The following FGFR1OP2 variants were observed in gnomAD, a reference collection of about 807,000 sequenced individuals.
FGFR1OP2 encodes the protein FGFR1 oncogene partner 2, also known as fibroblast growth factor receptor 1 oncogene partner 2.
A neutral mutation model predicts 35.2 loss-of-function variants in FGFR1OP2; 17 were observed. The observed-to-expected ratio is 0.48, with a 90% CI of 0.33 to 0.73. The LOEUF is 0.73. FGFR1OP2 is among the 30% of genes least tolerant of loss of function. FGFR1OP2 has a pLI of 0.02. For missense variants in FGFR1OP2, 251 were observed against 307.3 expected, an observed-to-expected ratio of 0.82 and a Z score of 1.37; for synonymous variants, 105 against 104.6, an observed-to-expected ratio of 1.00 and a Z score of -0.03.
At chr12:26,951,849 GTTC>G (rs1412159874) in intron 1 of FGFR1OP2, among the ~76,000 whole-genome samples, 2 of 152,258 alleles carry the variant, frequency 1.3e-5, no homozygotes, top group South Asian at 2.1e-4. Flanking sequence ...GTAAAGAAGG[GTTC>G]TTCTTATAGT....
chr12:26,946,089 C>A (rs1938816895), intron 1 of FGFR1OP2, among the ~76,000 whole-genome samples: 1 of 152,032 alleles, frequency 6.6e-6, no homozygotes, highest in Non-Finnish European at 1.5e-5. Context: ...ACAAAGTCTG[C>A]CAGTTACTGA....
At position 26,943,165 on chromosome 12, in the gene FGFR1OP2, A is replaced by G. The variant is rs116097678; in HGVS notation, c.-15+4455A>G. Among the ~76,000 whole-genome samples the G allele has an allele frequency of 4.7e-3, 721 of 152,296 alleles. 5 individuals are homozygous for G. Among genetic ancestry groups the G allele is most frequent in the African/African-American group, 0.017 (691 of 41,552 alleles). The stretch of plus-strand genomic sequence containing the variant: ...TTGGGATTAAACTTTTGGCATATAG[A>G]TGTCCAGTTCTTCCAACACCATTTG... On this transcript the variant is annotated intron_variant, in intron 1 of 6. Coordinates refer to ENST00000229395, the MANE Select transcript of FGFR1OP2 (RefSeq NM_015633.3).
At chr12:26,943,742 T>A (rs1481727524) in intron 1 of FGFR1OP2, among the ~76,000 whole-genome samples, 1 of 152,154 alleles carries the variant, frequency 6.6e-6, no homozygotes, top group Admixed American at 6.5e-5. Context: ...AGAGAATCGC[T>A]TGAACCCAGG....
intron 1 of FGFR1OP2, among the ~76,000 whole-genome samples, chr12:26,947,010 C>T (rs146425778): frequency 6.6e-6 from 1 of 151,906 alleles, no homozygotes; most frequent in Non-Finnish European, 1.5e-5. Flanking sequence ...GGGCATCATT[C>T]CCCCCTACTT....
At chr12:26,946,754 C>G (rs1005872717) in intron 1 of FGFR1OP2, among the ~76,000 whole-genome samples, 1 of 152,178 alleles carries the variant, frequency 6.6e-6, no homozygotes, top group Non-Finnish European at 1.5e-5. Flanking sequence ...GTGTAACCAT[C>G]AACAAAATTG....
intron 1 of FGFR1OP2, among the ~76,000 whole-genome samples, chr12:26,946,699 C>T (rs1938828267): frequency 2.0e-5 from 3 of 152,174 alleles, no homozygotes; most frequent in Non-Finnish European, 2.9e-5. Flanking sequence ...TACTATTCAC[C>T]TATTTAAAGT....
At chr12:26,940,950 A>T (rs1335098936) in intron 1 of FGFR1OP2, among the ~76,000 whole-genome samples, 1 of 152,184 alleles carries the variant, frequency 6.6e-6, no homozygotes, top group Non-Finnish European at 1.5e-5. Context: ...ATCTAAAAGT[A>T]AACAGCTGGC....
intron 1 of FGFR1OP2, 76 bp downstream of exon 1, chr12:26,938,786 C>T (rs987381465): frequency 3.3e-5 from 5 of 152,274 alleles, no homozygotes; most frequent in African/African-American, 1.2e-4. Context: ...AGTCCTTCGC[C>T]GGGGCCGGTG....
At chr12:26,954,788 A>G (rs1789473561) in intron 2 of FGFR1OP2, among the ~76,000 whole-genome samples, 1 of 152,246 alleles carries the variant, frequency 6.6e-6, no homozygotes, top group Admixed American at 6.5e-5. Flanking sequence ...TACCAATTAA[A>G]GAATACATAA....
rs374427880 is a variant in FGFR1OP2 at position 26,954,666 on chromosome 12, G to A, written c.135+373G>A. Among the ~76,000 whole-genome samples, 7 of 152,218 alleles carry A rather than the reference G, an allele frequency of 4.6e-5. No individual in the cohort carries two copies. The East Asian group carries it at 1.2e-3, about 25-fold the overall frequency. On this transcript the variant is annotated intron_variant, in intron 2 of 6. Coordinates refer to ENST00000229395, the MANE Select transcript of FGFR1OP2 (RefSeq NM_015633.3). Reference sequence around the variant, plus strand: ...TATTTTTCTTTATAAAAGTACTTAGGTGATGCTGTTTAACAACAAAATAGC... The same window carrying A: ...TATTTTTCTTTATAAAAGTACTTAGATGATGCTGTTTAACAACAAAATAGC...
chr12:26,957,214 C>A (rs1166257568), intron 3 of FGFR1OP2, among the ~76,000 whole-genome samples: 1 of 152,184 alleles, frequency 6.6e-6, no homozygotes, highest in African/African-American at 2.4e-5. Flanking sequence ...AGGGAACTCA[C>A]ACTGTACTTC....
At chr12:26,954,072 T>C in intron 1 of FGFR1OP2, 73 bp from the exon 2 acceptor site, 1 of 1,133,698 alleles carries the variant, frequency 8.8e-7, no homozygotes, top group Non-Finnish European at 1.2e-6. Flanking sequence ...GAAGCATATC[T>C]GTGTTGACAT....
intron 3 of FGFR1OP2, 131 bp from the exon 4 acceptor site, chr12:26,957,469 TG>T: frequency 1.4e-6 from 1 of 734,772 alleles, no homozygotes; most frequent in African/African-American, 1.8e-5. Flanking sequence ...TGTCTCTTAT[TG>T]TTATATGGCT....
chr12:26,951,125 T>G (rs1457394955), intron 1 of FGFR1OP2, among the ~76,000 whole-genome samples: 3 of 152,068 alleles, frequency 2.0e-5, no homozygotes, highest in Non-Finnish European at 4.4e-5. Flanking sequence ...AGCTAAACCT[T>G]AGCTGCTGAA....
At chr12:26,942,294 G>C (rs891294614) in intron 1 of FGFR1OP2, among the ~76,000 whole-genome samples, 1 of 152,158 alleles carries the variant, frequency 6.6e-6, no homozygotes, top group Non-Finnish European at 1.5e-5. Context: ...GCCTCCCAAA[G>C]TGCTGGGATT....
intron 5 of FGFR1OP2, chr12:26,962,258 A>G (rs1939115070): frequency 6.6e-6 from 1 of 152,176 alleles, no homozygotes. Flanking sequence ...AAGGACCTAC[A>G]TTTTTGTTGG....
chr12:26,943,260 G>T (rs547732786), intron 1 of FGFR1OP2, among the ~76,000 whole-genome samples: 2 of 149,062 alleles, frequency 1.3e-5, no homozygotes, highest in Non-Finnish European at 3.0e-5. Flanking sequence ...GGCCATTTTT[G>T]TATGGCCCTG....
chr12:26,945,631 C>T (rs1386756661), intron 1 of FGFR1OP2, among the ~76,000 whole-genome samples: 3 of 152,130 alleles, frequency 2.0e-5, no homozygotes, highest in African/African-American at 2.4e-5. Context: ...GAGGCCTAGG[C>T]GGGCAGATCA....
At chr12:26,948,753 A>G (rs1461431622) in intron 1 of FGFR1OP2, among the ~76,000 whole-genome samples, 1 of 152,258 alleles carries the variant, frequency 6.6e-6, no homozygotes, top group African/African-American at 2.4e-5. Flanking sequence ...ATGTTTTTAT[A>G]TTATTGGATG....
Sources: gnomAD v4.1 joint callset for allele counts (sites outside exome capture counted in the v4.1 genomes callset) on GRCh38, gnomAD v4.1.1 for gene constraint, MANE v1.5 for transcripts, NCBI Gene and HGNC (gene_info 2026-07-23, HGNC 2026-07-21) for gene names.